FTL: variants seen among roughly 807,000 people sequenced by gnomAD.
FTL encodes the protein ferritin light chain.
FTL carries 17 observed loss-of-function variants against 16.6 expected under a neutral mutation model. The observed-to-expected ratio is 1.02, with a 90% CI of 0.70 to 1.53. The LOEUF is 1.53. Ranked by LOEUF, FTL falls within the 40% of genes most tolerant of loss-of-function variation. FTL has a pLI of 0.00. For missense variants in FTL, 186 were observed against 226.1 expected, an observed-to-expected ratio of 0.82 and a Z score of 1.14; for synonymous variants, 73 against 89.9, an observed-to-expected ratio of 0.81 and a Z score of 1.06.
rs1455546376 is a variant in FTL at position 48,965,792 on chromosome 19, A to G, written c.125A>G (p.Asp42Gly). 6.2e-7 allele frequency: 1 copy of G among 1,614,040 alleles called. No individual in the cohort carries two copies. The highest frequency in any genetic ancestry group is 1.3e-5 in the African/African-American group (1 of 74,922). Residue 42 changes from aspartate to glycine, a missense_variant, in exon 2 of 4, where the codon GAT becomes GGT. Coordinates refer to ENST00000331825, the MANE Select transcript of FTL (RefSeq NM_000146.4). ...TAGGGCTTCTATTTCGACCGCGATG[A>G]TGTGGCTCTGGAAGGCGTGAGCCAC... ...LSLGFYFDRD[D>G]VALEGVSHFF...
intron 2 of FTL, 160 bp downstream of exon 2, chr19:48,966,076 C>G (rs2038450301): frequency 1.7e-6 from 2 of 1,190,280 alleles, no homozygotes; most frequent in Non-Finnish European, 2.4e-6. Context: ...CGTGCAGTGC[C>G]CACAACACGC....
At position 48,965,419 on chromosome 19, in the gene FTL, C is replaced by T; in HGVS notation, c.-89C>T. ...CGCCCTCCGATTTCCTCTCCGCTTGCAACCTCCGGGACCATCTTCTCGGCC... is the reference window on the plus strand; with the variant it reads ...CGCCCTCCGATTTCCTCTCCGCTTGTAACCTCCGGGACCATCTTCTCGGCC... On this transcript the variant is annotated 5_prime_UTR_variant, in exon 1 of 4. Transcript: ENST00000331825. The T allele has an allele frequency of 1.1e-6, 1 of 878,742 alleles. No individual in the cohort carries two copies. The allele number at this position is 878,742 out of a possible 1,614,324, so 54.4% of individuals were successfully genotyped here.
Position 48,965,782 on chromosome 19 carries a change from G to C in FTL, c.115G>C (p.Asp39His). Residue 39 changes from aspartate to histidine, a missense_variant, in exon 2 of 4, where the codon GAC (aspartate) becomes CAC (histidine). By Grantham distance (81) the Asp-to-His change is moderately conservative. Coordinates refer to ENST00000331825, the MANE Select transcript of FTL (RefSeq NM_000146.4). ...TCTCTTCCCGTAGGGCTTCTATTTC[G>C]ACCGCGATGATGTGGCTCTGGAAGG... ...YTYLSLGFYF[D>H]RDDVALEGVS... 1 of 1,614,016 alleles carries C rather than the reference G, an allele frequency of 6.2e-7. No individual in the cohort carries two copies. The highest frequency in any genetic ancestry group is 8.5e-7 in the Non-Finnish European group (1 of 1,180,018).
rs968877257 is a variant in FTL at position 48,966,461 on chromosome 19, C to A, written c.375+55C>A. ...AACCATACCCCTCAAGCCTCTGCTCCCTTTGGGCAAATTTCCTTCAGAGCC... is the reference window on the plus strand; with the variant it reads ...AACCATACCCCTCAAGCCTCTGCTCACTTTGGGCAAATTTCCTTCAGAGCC... On this transcript the variant is annotated intron_variant, in intron 3 of 3. Transcript: ENST00000331825. 24 of 1,613,974 alleles carry A rather than the reference C, an allele frequency of 1.5e-5. No homozygotes were observed. The African/African-American group carries it at 3.2e-4, about 22-fold the overall frequency.
chr19:48,965,531 T>A lies in FTL; in HGVS notation c.24T>A (p.Asn8Lys), dbSNP rs1348872261. MSSQIRQ[N>K]YSTDVEAAVN... is the part of the protein sequence containing the mutation. ...CCATGAGCTCCCAGATTCGTCAGAA[T>A]TATTCCACCGACGTGGAGGCAGCCG... is the stretch of plus-strand genomic sequence containing the variant. Residue 8 changes from asparagine (N) to lysine (K), a missense_variant, in exon 1 of 4, where the codon AAT becomes AAA. By Grantham distance (94) the Asn-to-Lys change is moderately conservative. Transcript: ENST00000331825. The A allele has an allele frequency of 1.9e-6, 3 of 1,613,996 alleles. No individual in the cohort carries two copies. Among genetic ancestry groups the A allele is most frequent in the Admixed American group, 1.7e-5 (1 of 60,018 alleles).
Position 48,966,766 on chromosome 19 carries a change from G to T in FTL, c.*31G>T, listed in dbSNP as rs764013805. On this transcript the variant is annotated 3_prime_UTR_variant, in exon 4 of 4. Transcript: ENST00000331825. Reference sequence around the variant, plus strand: ...TTCTGAGCCCAGCGACTTCTGAAGGGCCCCTTGCAAAGTAATAGGGCTTCT... The same window carrying T: ...TTCTGAGCCCAGCGACTTCTGAAGGTCCCCTTGCAAAGTAATAGGGCTTCT... 10 of 1,611,046 alleles carry T rather than the reference G, an allele frequency of 6.2e-6. No homozygotes were observed. Among genetic ancestry groups the T allele is most frequent in the Non-Finnish European group, 8.5e-6 (10 of 1,179,010 alleles).
At position 48,965,648 on chromosome 19, in the gene FTL, G is replaced by C. The variant is rs200235752; in HGVS notation, c.102+39G>C. On this transcript the variant is annotated intron_variant, in intron 1 of 3. Coordinates refer to ENST00000331825, the MANE Select transcript of FTL (RefSeq NM_000146.4). ...ACGCCCCTGGCCCTAATTTCCTCCA[G>C]CTGCGCACCTCCGGCCCTCACTGCA... is the stretch of plus-strand genomic sequence containing the variant. 5.0e-6 allele frequency: 8 copies of C among 1,601,486 alleles called. No individual in the cohort carries two copies. In the African/African-American group the frequency reaches 1.1e-4, roughly 21 times the overall value.
intron 3 of FTL, 67 bp from the exon 4 acceptor site, chr19:48,966,516 C>T: frequency 1.2e-6 from 2 of 1,611,506 alleles, no homozygotes; most frequent in Admixed American, 1.7e-5. Context: ...TTTTAATCTG[C>T]AACTGGCTGC....
At chr19:48,966,060 G>C in intron 2 of FTL, 144 bp downstream of exon 2, 1 of 1,235,692 alleles carries the variant, frequency 8.1e-7, no homozygotes, top group Non-Finnish European at 1.2e-6. Context: ...AAATAGAGGC[G>C]CACCTCGTGC....
In FTL at chr19:48,966,547, G is replaced by A. The variant is rs574376332; in HGVS notation, c.376-36G>A. Reference sequence around the variant, plus strand: ...GCTGCTCTCTCCCCCTCTTTTCCAGGGATTGGGTTTCTAATTTCTCCCTCT... The same window carrying A: ...GCTGCTCTCTCCCCCTCTTTTCCAGAGATTGGGTTTCTAATTTCTCCCTCT... On this transcript the variant is annotated intron_variant, in intron 3 of 3. Coordinates refer to ENST00000331825, the MANE Select transcript of FTL (RefSeq NM_000146.4). The A allele has an allele frequency of 5.0e-6, 8 of 1,613,502 alleles. No individual in the cohort carries two copies. In the South Asian group the frequency reaches 5.5e-5, roughly 11 times the overall value.
Position 48,965,808 on chromosome 19 carries a change from C to A in FTL, c.141C>A (p.Gly47=), listed in dbSNP as rs374599130. 1.2e-6 allele frequency: 2 copies of A among 1,614,154 alleles called. No individual in the cohort carries two copies. The highest frequency in any genetic ancestry group is 1.1e-5 in the South Asian group (1 of 91,088). ...YFDRDDVALE[G]VSHFFRELAE... is the part of the protein sequence containing the mutation. ...ACCGCGATGATGTGGCTCTGGAAGG[C>A]GTGAGCCACTTCTTCCGCGAATTGG... Residue 47 remains glycine (G), a synonymous_variant, in exon 2 of 4, where the codon GGC becomes GGA. Coordinates refer to ENST00000331825, the MANE Select transcript of FTL (RefSeq NM_000146.4).
At chr19:48,966,178 CTT>C in intron 2 of FTL, 101 bp from the exon 3 acceptor site, 1 of 1,524,940 alleles carries the variant, frequency 6.6e-7, no homozygotes, top group South Asian at 1.1e-5. Context: ...TGTCACATGT[CTT>C]TGTGGCCTGG....
At position 48,966,624 on chromosome 19, in the gene FTL, G is replaced by A. The variant is rs1485572855; in HGVS notation, c.417G>A (p.Val139=). The change falls in exon 4 of 4, where the codon GTG becomes GTA. Residue 139 remains valine (V), a synonymous_variant. Transcript: ENST00000331825. ...AGACTCACTTCCTAGATGAGGAAGTGAAGCTTATCAAGAAGATGGGTGACC... is the reference window on the plus strand; with the variant it reads ...AGACTCACTTCCTAGATGAGGAAGTAAAGCTTATCAAGAAGATGGGTGACC... ...FLETHFLDEE[V]KLIKKMGDHL... The A allele has an allele frequency of 1.2e-6, 2 of 1,614,016 alleles. No individual in the cohort carries two copies. The highest frequency in any genetic ancestry group is 3.3e-5 in the Admixed American group (2 of 59,994).
At chr19:48,966,537 T>G in intron 3 of FTL, 46 bp from the exon 4 acceptor site, 1 of 1,612,504 alleles carries the variant, frequency 6.2e-7, no homozygotes. Context: ...TCTCTCCCCC[T>G]CTTTTCCAGG....
rs774737551 is a variant in FTL at position 48,965,924 on chromosome 19, G to A, written c.249+8G>A. On this transcript the variant is annotated splice_region_variant and intron_variant, in intron 2 of 3. Coordinates refer to ENST00000331825, the MANE Select transcript of FTL (RefSeq NM_000146.4). ...CTCTTCCAGGACATCAAGGTAACTA[G>A]TGTGTGGGTAATGGACTACATCTCC... 1.2e-6 allele frequency: 2 copies of A among 1,613,992 alleles called. No homozygotes were observed. Among genetic ancestry groups the A allele is most frequent in the Admixed American group, 1.7e-5 (1 of 59,990 alleles).
rs766113186 is a variant in FTL, at chr19:48,965,785, C to G, written c.118C>G (p.Arg40Gly). ...TYLSLGFYFD[R>G]DDVALEGVSH... ...CTTCCCGTAGGGCTTCTATTTCGAC[C>G]GCGATGATGTGGCTCTGGAAGGCGT... The change falls in exon 2 of 4, where the codon CGC becomes GGC. Residue 40 changes from arginine (R) to glycine (G), a missense_variant. Transcript: ENST00000331825. The G allele has an allele frequency of 6.2e-7, 1 of 1,614,152 alleles. No individual in the cohort carries two copies. Among genetic ancestry groups the G allele is most frequent in the Admixed American group, 1.7e-5 (1 of 60,016 alleles).
rs397514540 is a variant in FTL at position 48,965,596 on chromosome 19, C to T, written c.89C>T (p.Thr30Ile). The change falls in exon 1 of 4, where the codon ACC (threonine) becomes ATC (isoleucine). Residue 30 changes from threonine (T) to isoleucine (I), a missense_variant. Physicochemically the swap from Thr to Ile is moderately conservative, Grantham distance 89 (BLOSUM62 -1). Transcript: ENST00000331825. The part of the protein sequence containing the change: ...LVNLYLQASY[T>I]YLSLGFYFDR... The stretch of plus-strand genomic sequence containing the variant: ...AATTTGTACCTGCAGGCCTCCTACA[C>T]CTACCTCTCTCTGGTGAGTCCCCAG... 7.4e-6 allele frequency: 12 copies of T among 1,613,224 alleles called. No individual in the cohort carries two copies. Among genetic ancestry groups the T allele is most frequent in the African/African-American group, 2.7e-5 (2 of 74,918 alleles).
Position 48,965,816 on chromosome 19 carries a change from A to G in FTL, c.149A>G (p.His50Arg), listed in dbSNP as rs1568612391. The G allele has an allele frequency of 6.2e-7, 1 of 1,614,020 alleles. No individual in the cohort carries two copies. Among genetic ancestry groups the G allele is most frequent in the Non-Finnish European group, 8.5e-7 (1 of 1,180,034 alleles). ...RDDVALEGVS[H>R]FFRELAEEKR... ...GATGTGGCTCTGGAAGGCGTGAGCC[A>G]CTTCTTCCGCGAATTGGCCGAGGAG... The change falls in exon 2 of 4, where the codon CAC (histidine) becomes CGC (arginine). Residue 50 changes from histidine to arginine, a missense_variant. Coordinates refer to ENST00000331825, the MANE Select transcript of FTL (RefSeq NM_000146.4).
chr19:48,966,177 T>A, intron 2 of FTL, 104 bp from the exon 3 acceptor site: 1 of 1,518,856 alleles, frequency 6.6e-7, no homozygotes, highest in Non-Finnish European at 9.1e-7. Context: ...CTGTCACATG[T>A]CTTTGTGGCC....
Sources: allele counts gnomAD v4.1 joint callset, GRCh38; gene constraint gnomAD v4.1.1; transcripts MANE v1.5; gene names NCBI Gene and HGNC (gene_info 2026-07-23, HGNC 2026-07-21).